The following ZNF394 variants were observed in gnomAD, a reference collection of about 807,000 sequenced individuals.
ZNF394 encodes zinc finger protein 99.
ZNF394 carries 19 observed loss-of-function variants against 21.8 expected under a neutral mutation model. The observed-to-expected ratio is 0.87, with a 90% CI of 0.61 to 1.28. ZNF394 has a LOEUF of 1.28. Ranked by LOEUF, ZNF394 falls within the 50% of genes most tolerant of loss-of-function variation. The pLI is 0.00. For missense variants in ZNF394, 683 were observed against 708.6 expected, an observed-to-expected ratio of 0.96 and a Z score of 0.41; for synonymous variants, 294 against 273.3, an observed-to-expected ratio of 1.08 and a Z score of -0.75.
chr7:99,499,303 G>C (rs1220635711), intron 1 of ZNF394, among the ~76,000 whole-genome samples: 1 of 151,608 alleles, frequency 6.6e-6, no homozygotes, highest in Non-Finnish European at 1.5e-5. Flanking sequence ...TTGAACCCGG[G>C]AGTCAGAGGT....
chr7:99,490,146 C>CTTTTTTT (rs943034221), downstream of ZNF394, among the ~76,000 whole-genome samples: 7 of 89,238 alleles, frequency 7.8e-5, no homozygotes, highest in South Asian at 4.6e-4. Flanking sequence ...AAAACCTCAT[C>CTTTTTTT]TTTTTTTTTT....
In ZNF394 at chr7:99,499,788, C is replaced by G. The variant is rs1445034179; in HGVS notation, c.306G>C (p.Gln102His). 6.2e-7 allele frequency: 1 copy of G among 1,614,092 alleles called. No individual in the cohort carries two copies. The highest frequency in any genetic ancestry group is 8.5e-7 in the Non-Finnish European group (1 of 1,180,058). ...WLRPELLSKE[Q>H]ILELLVLEQF... is the part of the protein sequence containing the mutation. ...GCTCCAGCACCAGCAGCTCCAGGATCTGCTCCTTGGAGAGCAGCTCGGGTC... is the reference window on the plus strand; with the variant it reads ...GCTCCAGCACCAGCAGCTCCAGGATGTGCTCCTTGGAGAGCAGCTCGGGTC... Residue 102 changes from glutamine to histidine, a missense_variant, in exon 1 of 3, where the codon CAG (glutamine) becomes CAC (histidine). Around this residue, in one of 3 missense-constraint regions of ZNF394, gnomAD observed 402 missense variants for 373.8 expected, o/e 1.08. Transcript: ENST00000337673.
At chr7:99,491,375 TTATCA>T (rs757787925), downstream of ZNF394, among the ~76,000 whole-genome samples, 1 of 152,216 alleles carries the variant, frequency 6.6e-6, no homozygotes, top group Non-Finnish European at 1.5e-5. Flanking sequence ...GCATCTTTTC[TTATCA>T]TATTTGGTCT....
chr7:99,493,619 T>C lies in ZNF394; in HGVS notation c.1596A>G (p.Glu532=). ...TAAGGTGTGTACTTTGTCTAAATCTTTCCCCACATTCAAGACATTTGTAAG... is the reference window on the plus strand; with the variant it reads ...TAAGGTGTGTACTTTGTCTAAATCTCTCCCCACATTCAAGACATTTGTAAG... The part of the protein sequence containing the change: ...EKPYKCLECG[E]RFRQSTHLIR... The change falls in exon 3 of 3, where the codon GAA becomes GAG. Residue 532 remains glutamate, a synonymous_variant. Transcript: ENST00000337673. 1.2e-6 allele frequency: 2 copies of C among 1,614,244 alleles called. No homozygotes were observed. The highest frequency in any genetic ancestry group is 1.7e-6 in the Non-Finnish European group (2 of 1,180,050).
rs1282525520 is a variant in ZNF394 at position 99,500,181 on chromosome 7, C to T, written c.-88G>A. The T allele has an allele frequency of 2.2e-6, 3 of 1,370,064 alleles. No homozygotes were observed. The highest frequency in any genetic ancestry group is 1.9e-6 in the Non-Finnish European group (2 of 1,029,756). 84.9% of individuals were successfully genotyped at this position (1,370,064 alleles called of 1,614,324 possible). ...AAGGAACTCATCAGCCGTCAACACC[C>T]TCCGGTCCCAAACACCGGGCCCCAC... On this transcript the variant is annotated 5_prime_UTR_variant, in exon 1 of 3. Coordinates refer to ENST00000337673, the MANE Select transcript of ZNF394 (RefSeq NM_032164.4).
chr7:99,497,116 GTGTGTGTA>G (rs763861009), intron 2 of ZNF394, among the ~76,000 whole-genome samples: 2,876 of 111,324 alleles, frequency 0.026, 56 homozygotes, highest in Admixed American at 0.042. Context: ...GTGTGTGTGT[GTGTGTGTA>G]TATATATATA....
At chr7:99,492,866 C>A (rs1800192502), downstream of ZNF394, among the ~76,000 whole-genome samples, 1 of 151,294 alleles carries the variant, frequency 6.6e-6, no homozygotes, top group Non-Finnish European at 1.5e-5. Context: ...GCAAGAGGAT[C>A]ACTTGAGCCC....
intron 1 of ZNF394, 143 bp from the exon 2 acceptor site, chr7:99,498,985 G>T: frequency 8.1e-7 from 1 of 1,234,666 alleles, no homozygotes; most frequent in Non-Finnish European, 1.1e-6. Context: ...AAGCCTTTCT[G>T]TGGACTATTT....
exon 2 of ZNF394, chr7:99,486,797 C>A: frequency 1.2e-6 from 2 of 1,614,208 alleles, no homozygotes; most frequent in East Asian, 4.5e-5. Context: ...CGAATTCTCA[C>A]AAGAGCAAAG....
Position 99,494,451 on chromosome 7 carries a change from A to G in ZNF394, c.764T>C (p.Leu255Pro). 2 of 1,614,104 alleles carry G rather than the reference A, an allele frequency of 1.2e-6. No individual in the cohort carries two copies. The highest frequency in any genetic ancestry group is 2.2e-5 in the South Asian group (2 of 91,086). ...KQSGDPLPLK[L>P]ENSPEAEGLN... is the part of the protein sequence containing the mutation. ...TCCTTCTGCTTCAGGAGAATTTTCA[A>G]GTTTCAGGGGCAAGGGGTCTCCGGA... is the stretch of plus-strand genomic sequence containing the variant. The change falls in exon 3 of 3, where the codon CTT becomes CCT. Residue 255 changes from leucine to proline, a missense_variant. By Grantham distance (98) the Leu-to-Pro change is moderately conservative. Around this residue, in one of 3 missense-constraint regions of ZNF394, gnomAD observed 402 missense variants for 373.8 expected, o/e 1.08. Coordinates refer to ENST00000337673, the MANE Select transcript of ZNF394 (RefSeq NM_032164.4).
chr7:99,499,374 C>G (rs1015237819), intron 1 of ZNF394, among the ~76,000 whole-genome samples: 2 of 149,930 alleles, frequency 1.3e-5, no homozygotes, highest in Non-Finnish European at 3.0e-5. Flanking sequence ...GAAACTCCAT[C>G]TCAAACAACA....
chr7:99,497,114 G>GTATA (rs1347859430), intron 2 of ZNF394, among the ~76,000 whole-genome samples: 27 of 116,604 alleles, frequency 2.3e-4, no homozygotes, highest in African/African-American at 1.3e-3. Context: ...GTGTGTGTGT[G>GTATA]TGTGTGTGTA....
rs1481312376 is a variant in ZNF394, at chr7:99,493,795, A to G, written c.1420T>C (p.Cys474Arg). 6.2e-6 allele frequency: 10 copies of G among 1,613,976 alleles called. No individual in the cohort carries two copies. The highest frequency in any genetic ancestry group is 8.5e-6 in the Non-Finnish European group (10 of 1,180,034). ...KGERPYKCEE[C>R]EKSFKQRSDL... is the part of the protein sequence containing the mutation. ...GAGCGCTGTTTGAAGCTCTTCTCGCATTCTTCACACTTATAGGGTCTTTCC... is the reference window on the plus strand; with the variant it reads ...GAGCGCTGTTTGAAGCTCTTCTCGCGTTCTTCACACTTATAGGGTCTTTCC... Residue 474 changes from cysteine (C) to arginine (R), a missense_variant, in exon 3 of 3, where the codon TGC becomes CGC. By Grantham distance (180) the Cys-to-Arg change is radical. Transcript: ENST00000337673.
At chr7:99,486,844 C>T (rs370724585) in exon 2 of ZNF394, 9 of 1,613,922 alleles carry the variant, frequency 5.6e-6, no homozygotes, top group Non-Finnish European at 7.6e-6. Context: ...AGTCATTAGG[C>T]GTAAGGCATG....
At chr7:99,495,914 AC>A (rs1800292541) in intron 2 of ZNF394, among the ~76,000 whole-genome samples, 1 of 150,474 alleles carries the variant, frequency 6.6e-6, no homozygotes, top group South Asian at 2.1e-4. Context: ...GAGCCACTGC[AC>A]CCAGCCTATT....
chr7:99,499,938 G>A lies in ZNF394; in HGVS notation c.156C>T (p.Asn52=). The change falls in exon 1 of 3, where the codon AAC becomes AAT. Residue 52 remains asparagine (N), a synonymous_variant. Transcript: ENST00000337673. Reference sequence around the variant, plus strand: ...CGGGGTCCGGCGAAGCCGCGGGATAGTTGGGCTCCCAACTTCCGGGTGAGT... The same window carrying A: ...CGGGGTCCGGCGAAGCCGCGGGATAATTGGGCTCCCAACTTCCGGGTGAGT... ...EEDSPGSWEP[N]YPAASPDPET... is the part of the protein sequence containing the mutation. 4 of 1,614,062 alleles carry A rather than the reference G, an allele frequency of 2.5e-6. No homozygotes were observed. The highest frequency in any genetic ancestry group is 3.4e-6 in the Non-Finnish European group (4 of 1,180,042).
downstream of ZNF394, among the ~76,000 whole-genome samples, chr7:99,490,532 G>C (rs1040311910): frequency 6.6e-6 from 1 of 151,826 alleles, no homozygotes; most frequent in South Asian, 2.1e-4. Flanking sequence ...TTGGGAGGCT[G>C]AGGTGGAAGG....
At chr7:99,486,978 A>G (rs150117393) in intron 1 of ZNF394, 23 of 1,614,090 alleles carry the variant, frequency 1.4e-5, no homozygotes, top group Non-Finnish European at 1.9e-5. Context: ...AAAACAAGCC[A>G]TACAGATGTC....
chr7:99,491,771 C>CACAAA (rs1663811303), downstream of ZNF394, among the ~76,000 whole-genome samples: 5 of 34,976 alleles, frequency 1.4e-4, no homozygotes, highest in Admixed American at 9.8e-4. Flanking sequence ...GAATCTGTCT[C>CACAAA]AAAAAAAAAA....
Sources: gnomAD v4.1 joint callset for allele counts (sites outside exome capture counted in the v4.1 genomes callset) on GRCh38, gnomAD v4.1.1 for gene constraint, gnomAD v4.1.1 regional missense constraint, MANE v1.5 for transcripts, NCBI Gene and HGNC (gene_info 2026-07-23, HGNC 2026-07-21) for gene names.